MYO9B: variants seen among roughly 807,000 people sequenced by gnomAD.
MYO9B encodes unconventional myosin-IXb.
In MYO9B, 71 loss-of-function variants were observed where a neutral mutation model predicts 229.5. The ratio of observed to expected loss-of-function variants is 0.31; its 90% CI spans 0.26 to 0.38. The LOEUF is 0.38. Ranked by LOEUF, MYO9B falls within the 10% of genes least tolerant of loss-of-function variation. The pLI is 1.00. For missense variants in MYO9B, 2,255 were observed against 2,920.5 expected, an observed-to-expected ratio of 0.77 and a Z score of 5.25; for synonymous variants, 1,185 against 1,235.8, an observed-to-expected ratio of 0.96 and a Z score of 0.86.
chr19:17,203,280 C>T, intron 30 of MYO9B, 22 bp downstream of exon 30: 1 of 1,516,972 alleles, frequency 6.6e-7, no homozygotes, highest in South Asian at 1.2e-5. Flanking sequence ...CCCCACCAGG[C>T]CCCAAAACCC....
chr19:17,093,858 AATTTATTTATTT>A (rs202021707), intron 1 of MYO9B, among the ~76,000 whole-genome samples: 2,356 of 145,660 alleles, frequency 0.016, 31 homozygotes, highest in Middle Eastern at 0.072. Flanking sequence ...ATGCCCAGCT[AATTTATTTATTT>A]ATTTATTTAT....
At chr19:17,197,445 T>TAGATAGATAGAC (rs1156939570) in intron 22 of MYO9B, among the ~76,000 whole-genome samples, 2,136 of 151,030 alleles carry the variant, frequency 0.014, 62 homozygotes, top group African/African-American at 0.05. Context: ...GATAGATAGA[T>TAGATAGATAGAC]AGATACATAG....
At chr19:17,127,263 C>G (rs989032041) in intron 2 of MYO9B, among the ~76,000 whole-genome samples, 1 of 149,888 alleles carries the variant, frequency 6.7e-6, no homozygotes, top group African/African-American at 2.5e-5. Flanking sequence ...CTCGGCCTTC[C>G]AAAGTGCTGG....
intron 1 of MYO9B, among the ~76,000 whole-genome samples, chr19:17,083,130 G>T (rs2057549587): frequency 1.3e-5 from 2 of 151,122 alleles, no homozygotes; most frequent in South Asian, 4.2e-4. Context: ...ACCTCCCTGG[G>T]CTCAAGTGAT....
intron 15 of MYO9B, 50 bp downstream of exon 15, chr19:17,181,090 C>A: frequency 7.4e-7 from 1 of 1,350,878 alleles, no homozygotes. Flanking sequence ...CCGCCTCCCA[C>A]TACTCCTGCG....
In MYO9B at chr19:17,206,391, G is replaced by A. The variant is rs775766165; in HGVS notation, c.5386+15G>A. ...CCGAGCCGTCGGTGAGCCCCATGGC[G>A]GTGCGGGTGGCAGCAGGTGGCCACA... On this transcript the variant is annotated intron_variant, in intron 33 of 39. Coordinates refer to ENST00000682292, the MANE Select transcript of MYO9B (RefSeq NM_004145.4). 1.2e-5 allele frequency: 19 copies of A among 1,606,418 alleles called. No homozygotes were observed. The highest frequency in any genetic ancestry group is 4.4e-5 in the South Asian group (4 of 90,682).
At chr19:17,152,771 G>T in intron 4 of MYO9B, 65 bp downstream of exon 4, 1 of 1,449,262 alleles carries the variant, frequency 6.9e-7, no homozygotes. Context: ...TCCTACAGAG[G>T]AGAGAAGCAA....
intron 1 of MYO9B, among the ~76,000 whole-genome samples, chr19:17,094,510 A>G (rs990952932): frequency 2.6e-5 from 4 of 152,120 alleles, no homozygotes; most frequent in African/African-American, 7.2e-5. Flanking sequence ...CACATCCCCA[A>G]GCAGCCACCG....
intron 2 of MYO9B, among the ~76,000 whole-genome samples, chr19:17,106,892 G>A (rs567998584): frequency 1.3e-5 from 2 of 152,188 alleles, no homozygotes; most frequent in Non-Finnish European, 1.5e-5. Flanking sequence ...GTGAAACCCC[G>A]TCTCTACTAA....
intron 24 of MYO9B, among the ~76,000 whole-genome samples, chr19:17,199,501 GT>G (rs540826280): frequency 6.6e-6 from 1 of 150,942 alleles, no homozygotes; most frequent in African/African-American, 2.5e-5. Flanking sequence ...ATCCTGTGTT[GT>G]TTTTTTGTTT....
In MYO9B at chr19:17,206,798, C is replaced by T. The variant is rs778879595; in HGVS notation, c.5492+14C>T. ...CCACCTTGTCAAGCAAGTGCCTCCC[C>T]ACCTGCCCTCTGTGGGGTTAGGGTC... On this transcript the variant is annotated intron_variant, in intron 34 of 39. Transcript: ENST00000682292. 1 of 1,555,670 alleles carries T rather than the reference C, an allele frequency of 6.4e-7. No homozygotes were observed. The highest frequency in any genetic ancestry group is 8.7e-7 in the Non-Finnish European group (1 of 1,144,810).
intron 3 of MYO9B, among the ~76,000 whole-genome samples, chr19:17,148,826 CGCCTGCCTCG>C (rs1166482072): frequency 1.3e-5 from 2 of 152,066 alleles, no homozygotes; most frequent in East Asian, 1.9e-4. Flanking sequence ...TCAAGTGATC[CGCCTGCCTCG>C]GCCTCCCCAA....
chr19:17,212,367 C>A lies in MYO9B; in HGVS notation c.*57C>A. On this transcript the variant is annotated 3_prime_UTR_variant, in exon 40 of 40. Coordinates refer to ENST00000682292, the MANE Select transcript of MYO9B (RefSeq NM_004145.4). The surrounding 1 kb of genome is among the most constrained non-coding windows in gnomAD (Gnocchi z 5.4). Reference sequence around the variant, plus strand: ...GGACGGCCCCTGCACTGGAGCTGGGCGCCAGAGCTGCAGAGCTAGTGTTCG... The same window carrying A: ...GGACGGCCCCTGCACTGGAGCTGGGAGCCAGAGCTGCAGAGCTAGTGTTCG... 7.1e-7 allele frequency: 1 copy of A among 1,411,538 alleles called. No homozygotes were observed. Among genetic ancestry groups the A allele is most frequent in the East Asian group, 2.6e-5 (1 of 37,742 alleles). The allele number at this position is 1,411,538 out of a possible 1,614,324, so 87.4% of individuals were successfully genotyped here. A position where few individuals can be genotyped will look rare whatever the true frequency, so the allele number is the denominator to read the frequency against.
intron 20 of MYO9B, among the ~76,000 whole-genome samples, chr19:17,192,333 C>T (rs142657579): frequency 0.033 from 4,943 of 150,626 alleles, 125 homozygotes; most frequent in Non-Finnish European, 0.053. Flanking sequence ...GTGGCTCATG[C>T]CTGTAATCCC....
chr19:17,145,491 G>A lies in MYO9B; in HGVS notation c.935G>A (p.Gly312Glu). 5.0e-6 allele frequency: 8 copies of A among 1,613,696 alleles called. No individual in the cohort carries two copies. The highest frequency in any genetic ancestry group is 6.8e-6 in the Non-Finnish European group (8 of 1,179,664). The change falls in exon 3 of 40, where the codon GGA becomes GAA. Residue 312 changes from glycine to glutamate, a missense_variant and splice_region_variant. Coordinates refer to ENST00000682292, the MANE Select transcript of MYO9B (RefSeq NM_004145.4). ...TACCTAGAGAGTGGCATCGTGAGAG[G>A]GTGAGGTGTCCCTGGGGTCCCCACT... ...VSYLESGIVR[G>E]AVVEKYLLEK...
At chr19:17,208,818 A>G (rs558342168) in intron 35 of MYO9B, among the ~76,000 whole-genome samples, 1 of 152,290 alleles carries the variant, frequency 6.6e-6, no homozygotes, top group African/African-American at 2.4e-5. Context: ...AGGTCGCACC[A>G]CAGAGCTCAC....
In MYO9B at chr19:17,195,537, C is replaced by T. The variant is rs1374160365; in HGVS notation, c.4046+64C>T. 2.0e-6 allele frequency: 3 copies of T among 1,520,056 alleles called. No individual in the cohort carries two copies. Among genetic ancestry groups the T allele is most frequent in the Admixed American group, 4.0e-5 (2 of 50,408 alleles). 94.2% of individuals were successfully genotyped at this position (1,520,056 alleles called of 1,614,324 possible). ...CAGGCCAGGTGGGCAAGGCCAGGGG[C>T]AGTGCCACACATCCTGGAAACACAT... On this transcript the variant is annotated intron_variant, in intron 22 of 39. Coordinates refer to ENST00000682292, the MANE Select transcript of MYO9B (RefSeq NM_004145.4). The surrounding 1 kb of genome is among the most constrained non-coding windows in gnomAD (Gnocchi z 4.5).
At position 17,157,057 on chromosome 19, in the gene MYO9B, G is replaced by C; in HGVS notation, c.1329+19G>C. On this transcript the variant is annotated intron_variant, in intron 7 of 39. Coordinates refer to ENST00000682292, the MANE Select transcript of MYO9B (RefSeq NM_004145.4). Reference sequence around the variant, plus strand: ...TCTGAAGGTACTGATTGCCACCTCTGTCCCTTCTCAGGCCTGGCTCAGGGC... The same window carrying C: ...TCTGAAGGTACTGATTGCCACCTCTCTCCCTTCTCAGGCCTGGCTCAGGGC... 1 of 1,610,732 alleles carries C rather than the reference G, an allele frequency of 6.2e-7. No individual in the cohort carries two copies. Among genetic ancestry groups the C allele is most frequent in the Non-Finnish European group, 8.5e-7 (1 of 1,178,598 alleles).
At chr19:17,146,186 G>A (rs1012441157) in intron 3 of MYO9B, among the ~76,000 whole-genome samples, 1 of 151,522 alleles carries the variant, frequency 6.6e-6, no homozygotes, top group Admixed American at 6.6e-5. Flanking sequence ...TGGATGGATG[G>A]ATGGATGGAT....
Sources: allele counts gnomAD v4.1 joint callset (sites outside exome capture counted in the v4.1 genomes callset), GRCh38; gene constraint gnomAD v4.1.1; non-coding constraint Gnocchi (gnomAD v3.1); transcripts MANE v1.5; gene names NCBI Gene and HGNC (gene_info 2026-07-23, HGNC 2026-07-21).